The following MACROD2 variants were observed in gnomAD, a reference collection of about 807,000 sequenced individuals.
The protein encoded by MACROD2 is ADP-ribose glycohydrolase MACROD2.
Under a neutral mutation model 70.4 loss-of-function variants are expected in MACROD2, and 36 were observed. The observed-to-expected ratio is 0.51, with a 90% CI of 0.39 to 0.68. The LOEUF is 0.68. MACROD2 is among the 30% of genes least tolerant of loss of function. The pLI is 0.00. For synonymous variants in MACROD2, 172 were observed against 178.8 expected, an observed-to-expected ratio of 0.96 and a Z score of 0.30; for missense variants, 496 against 538.4, an observed-to-expected ratio of 0.92 and a Z score of 0.78.
intron 4 of MACROD2, among the ~76,000 whole-genome samples, chr20:14,610,343 T>C (rs947682753): frequency 3.3e-5 from 5 of 152,114 alleles, no homozygotes. Context: ...AGCATGGGGA[T>C]TTTTACTTCA....
At chr20:16,012,683 A>G (rs543535498) in intron 15 of MACROD2, among the ~76,000 whole-genome samples, 3 of 152,364 alleles carry the variant, frequency 2.0e-5, no homozygotes, top group Admixed American at 1.3e-4. Context: ...TATCATACAA[A>G]TGCTTAGTTT....
At chr20:15,570,429 C>T (rs1052045747) in intron 8 of MACROD2, among the ~76,000 whole-genome samples, 1 of 152,186 alleles carries the variant, frequency 6.6e-6, no homozygotes, top group African/African-American at 2.4e-5. Context: ...TGATGGGGGA[C>T]GGAGAATAGA....
At chr20:15,044,805 A>C (rs2075380652) in intron 5 of MACROD2, among the ~76,000 whole-genome samples, 1 of 152,074 alleles carries the variant, frequency 6.6e-6, no homozygotes, top group Admixed American at 6.6e-5. Flanking sequence ...TCTATTAAAC[A>C]CTCAAATTAC....
intron 3 of MACROD2, among the ~76,000 whole-genome samples, chr20:14,303,007 T>TC (rs2082489394): frequency 6.6e-6 from 1 of 152,156 alleles, no homozygotes; most frequent in African/African-American, 2.4e-5. Context: ...CACTGAAAGA[T>TC]TGTTAAACAT....
intron 13 of MACROD2, among the ~76,000 whole-genome samples, chr20:15,982,314 G>T (rs1180066864): frequency 6.6e-6 from 1 of 152,170 alleles, no homozygotes; most frequent in Non-Finnish European, 1.5e-5. Flanking sequence ...TAATAGGACT[G>T]TAGCAATCTT....
intron 10 of MACROD2, among the ~76,000 whole-genome samples, chr20:15,900,908 G>A (rs530464540): frequency 6.6e-6 from 1 of 152,218 alleles, no homozygotes; most frequent in African/African-American, 2.4e-5. Flanking sequence ...GGACTGCAGG[G>A]CAATTTAAAT....
Position 15,976,890 on chromosome 20 carries a change from AG to A in MACROD2, c.985+9263del, listed in dbSNP as rs74175660. On this transcript the variant is annotated intron_variant, in intron 13 of 17. Coordinates refer to ENST00000684519, the MANE Select transcript of MACROD2 (RefSeq NM_001351661.2). ...AAATAGCACTTTATCCTCAAAGTGA[AG>A]GGTCAAGCCTTACAAGTCACAGAAA... Among the ~76,000 whole-genome samples, 859 of 152,306 alleles carry A rather than the reference AG, an allele frequency of 5.6e-3. 8 individuals are homozygous for A. Among genetic ancestry groups the A allele is most frequent in the Non-Finnish European group, 9.7e-3 (659 of 68,018 alleles).
At chr20:15,278,056 TA>T (rs1216265962) in intron 6 of MACROD2, among the ~76,000 whole-genome samples, 1 of 152,140 alleles carries the variant, frequency 6.6e-6, no homozygotes, top group African/African-American at 2.4e-5. Context: ...TATAGCAGAA[TA>T]AAAAACCTCA....
chr20:15,809,117 G>A (rs2063795055), intron 8 of MACROD2, among the ~76,000 whole-genome samples: 1 of 152,080 alleles, frequency 6.6e-6, no homozygotes, highest in Non-Finnish European at 1.5e-5. Flanking sequence ...TCATGATTTT[G>A]TTAAAATAAT....
intron 8 of MACROD2, among the ~76,000 whole-genome samples, chr20:15,708,539 T>A (rs568129469): frequency 6.6e-6 from 1 of 152,106 alleles, no homozygotes; most frequent in Non-Finnish European, 1.5e-5. Context: ...GAGAAGATAG[T>A]GGGAGGTCTC....
At chr20:15,526,500 T>C (rs1046378190) in intron 8 of MACROD2, among the ~76,000 whole-genome samples, 2 of 152,036 alleles carry the variant, frequency 1.3e-5, no homozygotes, top group Non-Finnish European at 2.9e-5. Context: ...GTCATTAACA[T>C]TGGAGGAGAG....
intron 6 of MACROD2, among the ~76,000 whole-genome samples, chr20:15,314,725 A>G (rs2077790687): frequency 6.6e-6 from 1 of 152,232 alleles, no homozygotes; most frequent in Non-Finnish European, 1.5e-5. Context: ...AACAACCTCC[A>G]GCCACCTGGG....
chr20:14,562,684 A>G (rs1979518020), intron 4 of MACROD2, among the ~76,000 whole-genome samples: 1 of 151,796 alleles, frequency 6.6e-6, no homozygotes, highest in South Asian at 2.1e-4. Flanking sequence ...TTTTCAGTCA[A>G]TCACCCTAGA....
chr20:15,946,176 T>C (rs2065820307), intron 12 of MACROD2, among the ~76,000 whole-genome samples: 1 of 152,202 alleles, frequency 6.6e-6, no homozygotes, highest in Non-Finnish European at 1.5e-5. Flanking sequence ...CCTTACGCTA[T>C]AGCCCAACTC....
intron 4 of MACROD2, among the ~76,000 whole-genome samples, chr20:14,653,054 A>T (rs1453729555): frequency 6.6e-6 from 1 of 152,136 alleles, no homozygotes; most frequent in Non-Finnish European, 1.5e-5. Flanking sequence ...GCCTTAGCTC[A>T]TGAAATGAGG....
chr20:15,795,610 C>A (rs62194720), intron 8 of MACROD2, among the ~76,000 whole-genome samples: 1,676 of 152,166 alleles, frequency 0.011, 17 homozygotes, highest in Non-Finnish European at 0.016. Context: ...CAGTGAAAGA[C>A]CATTATTCTC....
chr20:14,392,429 T>A (rs1386466677), intron 3 of MACROD2, among the ~76,000 whole-genome samples: 2 of 152,160 alleles, frequency 1.3e-5, no homozygotes, highest in African/African-American at 4.8e-5. Context: ...ATTATGTAGA[T>A]CAAAAAGCTG....
intron 3 of MACROD2, among the ~76,000 whole-genome samples, chr20:14,310,308 C>A (rs1365441191): frequency 6.6e-6 from 1 of 152,102 alleles, no homozygotes; most frequent in Non-Finnish European, 1.5e-5. Flanking sequence ...CTTGATCCTA[C>A]ACTTAATGAA....
At chr20:15,557,792 C>T (rs2048187614) in intron 8 of MACROD2, among the ~76,000 whole-genome samples, 1 of 152,170 alleles carries the variant, frequency 6.6e-6, no homozygotes, top group Admixed American at 6.5e-5. Context: ...ATCCCCTGGT[C>T]TCTGAGCTAT....
Sources: gnomAD v4.1 joint callset for allele counts (sites outside exome capture counted in the v4.1 genomes callset) on GRCh38, gnomAD v4.1.1 for gene constraint, MANE v1.5 for transcripts, NCBI Gene and HGNC (gene_info 2026-07-23, HGNC 2026-07-21) for gene names.